CADM2: variants seen among roughly 807,000 people sequenced by gnomAD.
CADM2 encodes the protein immunoglobulin superfamily member 4D.
CADM2 carries 12 observed loss-of-function variants against 49.8 expected under a neutral mutation model. The ratio of observed to expected loss-of-function variants is 0.24; its 90% CI spans 0.15 to 0.39. The LOEUF is 0.39. Ranked by LOEUF, CADM2 falls within the 10% of genes least tolerant of loss-of-function variation. The pLI, the probability that CADM2 is intolerant of heterozygous loss-of-function variation, is 1.00. For missense variants in CADM2, 378 were observed against 492.3 expected (o/e 0.77, Z 2.20); for synonymous variants, 214 against 175.4 (o/e 1.22, Z -1.74).
intron 1 of CADM2, among the ~76,000 whole-genome samples, chr3:85,269,229 AC>A (rs2043183486): frequency 6.6e-6 from 1 of 151,306 alleles, no homozygotes. Context: ...TTCACTCTAA[AC>A]CCCACGAAGG....
intron 2 of CADM2, among the ~76,000 whole-genome samples, chr3:85,760,849 T>C (rs2069338320): frequency 1.3e-5 from 2 of 152,180 alleles, no homozygotes; most frequent in South Asian, 2.1e-4. Context: ...TTCTTTAAAA[T>C]ATTGTTTGAA....
At chr3:85,045,883 T>C (rs910046229) in intron 1 of CADM2, among the ~76,000 whole-genome samples, 4 of 152,142 alleles carry the variant, frequency 2.6e-5, no homozygotes, top group Non-Finnish European at 5.9e-5. Flanking sequence ...TTCTCTTTTA[T>C]ATTTTTCATA....
intron 1 of CADM2, among the ~76,000 whole-genome samples, chr3:85,635,249 A>G (rs1376777152): frequency 6.6e-6 from 1 of 152,104 alleles, no homozygotes. Context: ...CTGAGAACAC[A>G]CACATAAGCG....
chr3:84,960,666 C>T (rs9870384), intron 1 of CADM2, among the ~76,000 whole-genome samples: 44,187 of 152,066 alleles, frequency 0.29, 7,289 homozygotes, highest in Non-Finnish European at 0.38. Context: ...CCGCACAAAA[C>T]GCTGTTATTA....
intron 1 of CADM2, among the ~76,000 whole-genome samples, chr3:85,695,581 C>T (rs191347699): frequency 1.6e-4 from 24 of 151,432 alleles, no homozygotes; most frequent in East Asian, 3.9e-4. Flanking sequence ...CATATATATA[C>T]GGGTACGTAC....
intron 1 of CADM2, among the ~76,000 whole-genome samples, chr3:85,229,148 C>T (rs952480257): frequency 3.9e-5 from 6 of 152,116 alleles, no homozygotes; most frequent in African/African-American, 7.2e-5. Flanking sequence ...CAATGGTGGA[C>T]GACCCTCCCC....
intron 1 of CADM2, among the ~76,000 whole-genome samples, chr3:85,633,796 G>A (rs1052878331): frequency 6.6e-6 from 1 of 151,794 alleles, no homozygotes; most frequent in African/African-American, 2.4e-5. Flanking sequence ...TAAAAATTAG[G>A]CCAAAAAGTG....
At chr3:85,687,576 T>C (rs1390751660) in intron 1 of CADM2, among the ~76,000 whole-genome samples, 1 of 152,140 alleles carries the variant, frequency 6.6e-6, no homozygotes. Flanking sequence ...AGAAGGAAAT[T>C]AGTATATATA....
At chr3:85,459,247 C>A (rs1178386852) in intron 1 of CADM2, among the ~76,000 whole-genome samples, 7 of 152,150 alleles carry the variant, frequency 4.6e-5, no homozygotes, top group Non-Finnish European at 5.9e-5. Context: ...GAATCTTGTC[C>A]TCTCATGACA....
At chr3:85,087,887 G>T (rs1303473189) in intron 1 of CADM2, among the ~76,000 whole-genome samples, 2 of 152,060 alleles carry the variant, frequency 1.3e-5, no homozygotes, top group African/African-American at 4.8e-5. Context: ...TCCCTTACCA[G>T]TTTTGACATA....
At chr3:85,210,679 T>C (rs1363189762) in intron 1 of CADM2, among the ~76,000 whole-genome samples, 6 of 152,114 alleles carry the variant, frequency 3.9e-5, no homozygotes, top group Non-Finnish European at 2.9e-5. Flanking sequence ...TAGCTGGGAC[T>C]GCAGGTATAT....
In CADM2 at chr3:85,157,343, A is replaced by G. The variant is rs1281372441; in HGVS notation, c.61+197675A>G. On this transcript the variant is annotated intron_variant, in intron 1 of 9. Coordinates refer to ENST00000383699, the MANE Select transcript of CADM2 (RefSeq NM_001167675.2). ...TCACAGAATTGGAAAAAACTACTTT[A>G]AAGTTCATATGGAACCAAAAAAGAG... is the stretch of plus-strand genomic sequence containing the variant. Among the ~76,000 whole-genome samples the G allele has an allele frequency of 2.6e-5, 4 of 151,486 alleles. No individual in the cohort carries two copies. The East Asian group carries it at 7.8e-4, about 30-fold the overall frequency.
chr3:85,089,371 T>A (rs974891584), intron 1 of CADM2, among the ~76,000 whole-genome samples: 1 of 152,110 alleles, frequency 6.6e-6, no homozygotes, highest in Admixed American at 6.6e-5. Flanking sequence ...GCAACAGAAC[T>A]ACAATGAAGT....
At chr3:85,734,516 CAT>C (rs2068053211) in intron 2 of CADM2, among the ~76,000 whole-genome samples, 1 of 144,468 alleles carries the variant, frequency 6.9e-6, no homozygotes, top group Admixed American at 7.1e-5. Flanking sequence ...TAATTTGACA[CAT>C]ACACACATAC....
At chr3:85,322,199 A>G (rs1254176271) in intron 1 of CADM2, among the ~76,000 whole-genome samples, 2 of 152,206 alleles carry the variant, frequency 1.3e-5, no homozygotes, top group African/African-American at 4.8e-5. Context: ...ATAGTAGAAG[A>G]ATATATTCAA....
At chr3:85,426,263 T>A (rs1559834014) in intron 1 of CADM2, among the ~76,000 whole-genome samples, 1 of 151,958 alleles carries the variant, frequency 6.6e-6, no homozygotes, top group East Asian at 1.9e-4. Context: ...TGCCTCAGCC[T>A]CCCATGTAGC....
At position 85,355,379 on chromosome 3, in the gene CADM2, C is replaced by G. The variant is rs1576407028; in HGVS notation, c.62-371143C>G. Among the ~76,000 whole-genome samples, 3 of 152,168 alleles carry G rather than the reference C, an allele frequency of 2.0e-5. No individual in the cohort carries two copies. In the South Asian group the frequency reaches 6.2e-4, roughly 32 times the overall value. On this transcript the variant is annotated intron_variant, in intron 1 of 9. Coordinates refer to ENST00000383699, the MANE Select transcript of CADM2 (RefSeq NM_001167675.2). ...GCACCTATCCCATCACGGCCAGGAA[C>G]TCAATTTTTAAGGTTACTCTAGGTC...
chr3:85,447,331 G>T (rs540725075), intron 1 of CADM2, among the ~76,000 whole-genome samples: 2 of 152,092 alleles, frequency 1.3e-5, no homozygotes, highest in Middle Eastern at 3.4e-3. Flanking sequence ...ATTATAATTT[G>T]TGATAGCCTT....
chr3:85,379,152 C>CA (rs542044889), intron 1 of CADM2, among the ~76,000 whole-genome samples: 79 of 151,968 alleles, frequency 5.2e-4, no homozygotes, highest in Non-Finnish European at 7.8e-4. Context: ...CCAAAAGCAA[C>CA]AAAAATATTA....
Sources: gnomAD v4.1 joint callset for allele counts (sites outside exome capture counted in the v4.1 genomes callset) on GRCh38, gnomAD v4.1.1 for gene constraint, MANE v1.5 for transcripts, NCBI Gene and HGNC (gene_info 2026-07-23, HGNC 2026-07-21) for gene names.